The following CYBRD1 variants were observed in gnomAD, a reference collection of about 807,000 sequenced individuals.
The protein encoded by CYBRD1 is plasma membrane ascorbate-dependent reductase CYBRD1.
A neutral mutation model predicts 21.9 loss-of-function variants in CYBRD1; 14 were observed. That is an observed-to-expected ratio of 0.64 (90% CI 0.42 to 1.00). The LOEUF is 1.00. Among genes scored for constraint, CYBRD1 ranks in the 50% least tolerant of loss-of-function variants. CYBRD1 has a pLI of 0.00. For synonymous variants in CYBRD1, 146 were observed against 136.5 expected, an observed-to-expected ratio of 1.07 and a Z score of -0.48; for missense variants, 328 against 352.5, an observed-to-expected ratio of 0.93 and a Z score of 0.56.
chr2:171,554,646 C>T lies in CYBRD1; in HGVS notation c.680C>T (p.Pro227Leu), dbSNP rs943136422. Reference sequence around the variant, plus strand: ...GTCACCAGACCGCAATGGAAACGTCCTAAGGAGCCAAATTCTACCATTCTT... The same window carrying T: ...GTCACCAGACCGCAATGGAAACGTCTTAAGGAGCCAAATTCTACCATTCTT... ...WIVTRPQWKR[P>L]KEPNSTILHP... The change falls in exon 4 of 4, where the codon CCT becomes CTT. Residue 227 changes from proline to leucine, a missense_variant. Physicochemically the swap from Pro to Leu is moderately conservative, Grantham distance 98 (BLOSUM62 -3). Coordinates refer to ENST00000321348, the MANE Select transcript of CYBRD1 (RefSeq NM_024843.4). The T allele has an allele frequency of 1.2e-6, 2 of 1,613,932 alleles. No individual in the cohort carries two copies. The highest frequency in any genetic ancestry group is 1.7e-5 in the Admixed American group (1 of 59,970).
In CYBRD1 at chr2:171,555,620, G is replaced by A. The variant is rs1381651423; in HGVS notation, c.*793G>A. 1.3e-5 allele frequency: 2 copies of A among 152,242 alleles called. No individual in the cohort carries two copies. The allele number at this position is 152,242 out of a possible 1,614,324, so 9.4% of individuals were successfully genotyped here. On this transcript the variant is annotated 3_prime_UTR_variant, in exon 4 of 4. Transcript: ENST00000321348. ...TACACTGCCCTACAAACCTCAGAGA[G>A]CACTTTTCCCCAAGTTCTTGTTTTT...
At chr2:171,531,541 G>T (rs1000245864) in intron 1 of CYBRD1, among the ~76,000 whole-genome samples, 1 of 152,004 alleles carries the variant, frequency 6.6e-6, no homozygotes, top group South Asian at 2.1e-4. Flanking sequence ...TCGACCTCCC[G>T]GGCCCAAGTG....
At chr2:171,537,599 A>G (rs552036776) in intron 1 of CYBRD1, among the ~76,000 whole-genome samples, 1 of 152,314 alleles carries the variant, frequency 6.6e-6, no homozygotes, top group African/African-American at 2.4e-5. Flanking sequence ...AAAAACCTGA[A>G]TAAGGTCAGA....
intron 2 of CYBRD1, among the ~76,000 whole-genome samples, chr2:171,547,687 G>A (rs1173105622): frequency 6.6e-6 from 1 of 152,126 alleles, no homozygotes; most frequent in Non-Finnish European, 1.5e-5. Context: ...TTGGTGGCAG[G>A]AAATTGAGGC....
At position 171,522,849 on chromosome 2, in the gene CYBRD1, C is replaced by G. The variant is rs1277832291; in HGVS notation, c.193+111C>G. 1.3e-6 allele frequency: 2 copies of G among 1,526,580 alleles called. No homozygotes were observed. The allele number at this position is 1,526,580 out of a possible 1,614,324, so 94.6% of individuals were successfully genotyped here. A position where few individuals can be genotyped will look rare whatever the true frequency, so the allele number is the denominator to read the frequency against. On this transcript the variant is annotated intron_variant, in intron 1 of 3. Coordinates refer to ENST00000321348, the MANE Select transcript of CYBRD1 (RefSeq NM_024843.4). This position sits in a 1 kb window ranked among gnomAD's most constrained non-coding sequence, Gnocchi z 4.3. ...GAGGAAGTGCTGGAGGATCGCGGGG[C>G]CCGGAGGAGTGCGGTGAGGAGCGCG... is the stretch of plus-strand genomic sequence containing the variant.
At chr2:171,537,289 G>A (rs1311005008) in intron 1 of CYBRD1, among the ~76,000 whole-genome samples, 1 of 152,104 alleles carries the variant, frequency 6.6e-6, no homozygotes, top group Non-Finnish European at 1.5e-5. Context: ...GATTGCAGAA[G>A]GCTCCACTTT....
At chr2:171,542,466 A>C (rs1168078575) in intron 2 of CYBRD1, among the ~76,000 whole-genome samples, 1 of 152,136 alleles carries the variant, frequency 6.6e-6, no homozygotes, top group Non-Finnish European at 1.5e-5. Flanking sequence ...ACTGGGCAAC[A>C]TAGGGAGACT....
At chr2:171,547,962 G>A (rs1015902001) in intron 2 of CYBRD1, among the ~76,000 whole-genome samples, 25 of 151,882 alleles carry the variant, frequency 1.6e-4, no homozygotes, top group African/African-American at 6.1e-4. Context: ...CTGAGCCAGG[G>A]TTGGGGTATT....
chr2:171,532,252 G>A (rs968497894), intron 1 of CYBRD1, among the ~76,000 whole-genome samples: 5 of 152,338 alleles, frequency 3.3e-5, no homozygotes, highest in South Asian at 2.1e-4. Flanking sequence ...GCCAAGGAGA[G>A]TGAAATAATA....
At chr2:171,523,013 C>A (rs1290897647) in intron 1 of CYBRD1, 3 of 492,678 alleles carry the variant, frequency 6.1e-6, no homozygotes, top group Non-Finnish European at 7.2e-6. Flanking sequence ...CGGAGCGGGG[C>A]CGGCCCCACT....
chr2:171,522,445 A>G (rs1697320127), upstream of CYBRD1: 5 of 1,532,154 alleles, frequency 3.3e-6, no homozygotes, highest in Non-Finnish European at 4.4e-6. This position sits in a 1 kb window ranked among gnomAD's most constrained non-coding sequence, Gnocchi z 4.3. Context: ...GACAGCCCCA[A>G]GAAGTCGACG....
At chr2:171,529,592 T>C (rs1406128767) in intron 1 of CYBRD1, among the ~76,000 whole-genome samples, 1 of 145,936 alleles carries the variant, frequency 6.9e-6, no homozygotes, top group East Asian at 2.0e-4. Context: ...TGAACACCAG[T>C]CTACTCAGAA....
At position 171,522,789 on chromosome 2, in the gene CYBRD1, G is replaced by A. The variant is rs1258065277; in HGVS notation, c.193+51G>A. 14 of 1,609,330 alleles carry A rather than the reference G, an allele frequency of 8.7e-6. No homozygotes were observed. Among genetic ancestry groups the A allele is most frequent in the Non-Finnish European group, 1.2e-5 (14 of 1,178,036 alleles). ...GGGGAGGAAAGCGGGGAGAACGGCG[G>A]GGGCAGAGGGTCCTCCGTGAAGCCC... On this transcript the variant is annotated intron_variant, in intron 1 of 3. Transcript: ENST00000321348. This position sits in a 1 kb window ranked among gnomAD's most constrained non-coding sequence, Gnocchi z 4.3.
upstream of CYBRD1, chr2:171,522,438 A>AGCCCCAAGAAGTCGAC (rs1697320008): frequency 2.0e-6 from 3 of 1,524,064 alleles, no homozygotes; most frequent in Admixed American, 6.3e-5. This position sits in a 1 kb window ranked among gnomAD's most constrained non-coding sequence, Gnocchi z 4.3. Flanking sequence ...AGGCGGAGAC[A>AGCCCCAAGAAGTCGAC]GCCCCAAGAA....
intron 1 of CYBRD1, chr2:171,523,144 C>T (rs1697334136): frequency 3.1e-6 from 1 of 321,362 alleles, no homozygotes; most frequent in Non-Finnish European, 6.3e-6. Flanking sequence ...CCACGCGCCC[C>T]GGAAAGTCGC....
Position 171,555,052 on chromosome 2 carries a change from G to A in CYBRD1, c.*225G>A. On this transcript the variant is annotated 3_prime_UTR_variant, in exon 4 of 4. Coordinates refer to ENST00000321348, the MANE Select transcript of CYBRD1 (RefSeq NM_024843.4). ...AATAGCAGATATAAATTGTGGTTATGTTACCTTTATCTTGTTGAGGACCAC... is the reference window on the plus strand; with the variant it reads ...AATAGCAGATATAAATTGTGGTTATATTACCTTTATCTTGTTGAGGACCAC... 1 of 573,880 alleles carries A rather than the reference G, an allele frequency of 1.7e-6. No individual in the cohort carries two copies. The highest frequency in any genetic ancestry group is 3.1e-6 in the Non-Finnish European group (1 of 325,274). 35.5% of individuals were successfully genotyped at this position (573,880 alleles called of 1,614,324 possible). A position where few individuals can be genotyped will look rare whatever the true frequency, so the allele number is the denominator to read the frequency against.
At chr2:171,523,239 G>A (rs1245153071) in intron 1 of CYBRD1, 2 of 421,240 alleles carry the variant, frequency 4.7e-6, no homozygotes, top group East Asian at 9.5e-5. Flanking sequence ...GGCTGCAGAT[G>A]AGGAGGGGAA....
At chr2:171,538,712 G>A (rs79299875) in intron 1 of CYBRD1, among the ~76,000 whole-genome samples, 2 of 152,058 alleles carry the variant, frequency 1.3e-5, no homozygotes, top group African/African-American at 2.4e-5. Context: ...AATTCACATC[G>A]GTCTTTGTAG....
At position 171,547,176 on chromosome 2, in the gene CYBRD1, GTGTTAGA is replaced by G. The variant is rs532945415; in HGVS notation, c.402+5386_402+5392del. Among the ~76,000 whole-genome samples, 17 of 152,226 alleles carry G rather than the reference GTGTTAGA, an allele frequency of 1.1e-4. No homozygotes were observed. In the East Asian group the frequency reaches 3.1e-3, roughly 28 times the overall value. ...TGGAGGGGAGGAGAGGGCTGGAGGA[GTGTTAGA>G]TGCTACTGAGGAGATAAGCAAAATA... On this transcript the variant is annotated intron_variant, in intron 2 of 3. Transcript: ENST00000321348.
Sources: allele counts gnomAD v4.1 joint callset (sites outside exome capture counted in the v4.1 genomes callset), GRCh38; gene constraint gnomAD v4.1.1; non-coding constraint Gnocchi (gnomAD v3.1); transcripts MANE v1.5; gene names NCBI Gene and HGNC (gene_info 2026-07-23, HGNC 2026-07-21).